Variants in DPP6 observed in about 807,000 individuals in gnomAD.
DPP6 encodes dipeptidyl peptidase like 6.
In DPP6, 69 loss-of-function variants were observed where a neutral mutation model predicts 122.6. The ratio of observed to expected loss-of-function variants is 0.56; its 90% CI spans 0.46 to 0.69. The LOEUF (loss-of-function observed/expected upper bound fraction) is 0.69, where lower values mean the gene tolerates loss of function less well. DPP6 is among the 30% of genes least tolerant of loss of function. The pLI is 0.00. For synonymous variants in DPP6, 418 were observed against 433.1 expected (o/e 0.97, Z 0.43); for missense variants, 928 against 1,116.9 (o/e 0.83, Z 2.41).
chr7:154,619,518 C>G (rs553069758), intron 5 of DPP6, among the ~76,000 whole-genome samples: 31 of 152,222 alleles, frequency 2.0e-4, no homozygotes, highest in Non-Finnish European at 4.3e-4. Flanking sequence ...ATGAAACTCT[C>G]ACCTATATTA....
intron 1 of DPP6, among the ~76,000 whole-genome samples, chr7:154,007,196 G>A (rs958532583): frequency 9.9e-5 from 15 of 152,190 alleles, no homozygotes; most frequent in Non-Finnish European, 2.1e-4. Flanking sequence ...TGTCTATTCA[G>A]CAAACACTTT....
At chr7:154,485,365 TTC>T (rs546115537) in intron 3 of DPP6, among the ~76,000 whole-genome samples, 50 of 152,344 alleles carry the variant, frequency 3.3e-4, no homozygotes, top group African/African-American at 1.1e-3. Context: ...AGTTTATTTT[TTC>T]TCTCTTTTGT....
chr7:154,547,161 T>G (rs1324278711), intron 4 of DPP6, among the ~76,000 whole-genome samples: 1 of 152,222 alleles, frequency 6.6e-6, no homozygotes, highest in Non-Finnish European at 1.5e-5. Flanking sequence ...CTGAGTTCAC[T>G]GACCACTGAT....
At chr7:154,266,434 C>G (rs966604035) in intron 1 of DPP6, among the ~76,000 whole-genome samples, 10 of 152,114 alleles carry the variant, frequency 6.6e-5, no homozygotes, top group African/African-American at 2.4e-4. Flanking sequence ...CAAAAATTAG[C>G]TGGGTGTGGT....
intron 1 of DPP6, chr7:154,305,260 C>T: frequency 7.7e-7 from 1 of 1,292,360 alleles, no homozygotes; most frequent in Non-Finnish European, 9.8e-7. Flanking sequence ...TGGAGAAGCC[C>T]CACTAAGCAG....
intron 16 of DPP6, among the ~76,000 whole-genome samples, chr7:154,824,281 TTTG>T (rs1252746931): frequency 1.7e-4 from 26 of 152,114 alleles, no homozygotes; most frequent in Non-Finnish European, 3.8e-4. Context: ...TGTTTGTTTG[TTTG>T]TTTGTTTGTT....
chr7:154,278,371 C>CT (rs1804274378), intron 1 of DPP6, among the ~76,000 whole-genome samples: 1 of 152,176 alleles, frequency 6.6e-6, no homozygotes, highest in African/African-American at 2.4e-5. Context: ...TCGTGGAAGA[C>CT]TTTGCTTGCT....
chr7:154,197,777 G>A (rs141236905), intron 1 of DPP6, among the ~76,000 whole-genome samples: 1 of 152,306 alleles, frequency 6.6e-6, no homozygotes, highest in East Asian at 1.9e-4. Flanking sequence ...TCACTAAGTA[G>A]TTAATTTAGA....
At chr7:154,065,992 C>G (rs927090859) in intron 1 of DPP6, among the ~76,000 whole-genome samples, 1 of 151,742 alleles carries the variant, frequency 6.6e-6, no homozygotes, top group Non-Finnish European at 1.5e-5. Flanking sequence ...TAAGCCTCAC[C>G]TTCATACTTC....
At chr7:154,255,566 G>C (rs904872572) in intron 1 of DPP6, among the ~76,000 whole-genome samples, 3 of 151,620 alleles carry the variant, frequency 2.0e-5, no homozygotes, top group South Asian at 2.1e-4. Flanking sequence ...AGGCAGACGT[G>C]GGGGAGGCCC....
chr7:154,120,435 G>A (rs1267071904), intron 1 of DPP6, among the ~76,000 whole-genome samples: 3 of 151,856 alleles, frequency 2.0e-5, no homozygotes, highest in Middle Eastern at 3.4e-3. Context: ...TAGTAGAGAC[G>A]GGGTTTCACC....
chr7:153,816,209 A>C, the DPP6 span, among the ~76,000 whole-genome samples: 1 of 152,206 alleles, frequency 6.6e-6, no homozygotes, highest in African/African-American at 2.4e-5. Flanking sequence ...TTAGAAGGAA[A>C]ATATTTATAG....
At chr7:154,587,553 T>G in intron 5 of DPP6, 1 of 1,372,944 alleles carries the variant, frequency 7.3e-7, no homozygotes, top group Non-Finnish European at 9.7e-7. Flanking sequence ...TTTTTGTTTC[T>G]CGATCCCCAA....
chr7:154,096,977 C>T (rs1228337430), intron 1 of DPP6, among the ~76,000 whole-genome samples: 5 of 152,222 alleles, frequency 3.3e-5, no homozygotes, highest in Non-Finnish European at 7.3e-5. Flanking sequence ...GAAAGACCCA[C>T]GGTTTTGTTG....
At chr7:154,173,003 G>A (rs1280364754) in intron 1 of DPP6, among the ~76,000 whole-genome samples, 2 of 152,170 alleles carry the variant, frequency 1.3e-5, no homozygotes, top group Non-Finnish European at 2.9e-5. Flanking sequence ...GTAACATGAA[G>A]GGAATGGTAG....
chr7:153,851,517 G>A, the DPP6 span, among the ~76,000 whole-genome samples: 1 of 151,854 alleles, frequency 6.6e-6, no homozygotes, highest in African/African-American at 2.4e-5. Context: ...TTGTTCCTTT[G>A]TACTTAATCG....
At chr7:154,467,881 C>T (rs1459749497) in intron 2 of DPP6, among the ~76,000 whole-genome samples, 1 of 152,162 alleles carries the variant, frequency 6.6e-6, no homozygotes, top group Admixed American at 6.5e-5. Flanking sequence ...CACATTTAAG[C>T]TCTTCAAAGG....
At chr7:154,246,861 A>G (rs1802014312) in intron 1 of DPP6, among the ~76,000 whole-genome samples, 1 of 152,216 alleles carries the variant, frequency 6.6e-6, no homozygotes, top group South Asian at 2.1e-4. Context: ...AAAAGCTAAA[A>G]CTAGGAAGCA....
chr7:154,764,084 A>G (rs1381889572), intron 8 of DPP6, among the ~76,000 whole-genome samples: 1 of 152,088 alleles, frequency 6.6e-6, no homozygotes, highest in Non-Finnish European at 1.5e-5. Flanking sequence ...CTTGGATGTC[A>G]TTTGGAAGCA....
Sources: gnomAD v4.1 joint callset for allele counts (sites outside exome capture counted in the v4.1 genomes callset) on GRCh38, gnomAD v4.1.1 for gene constraint, MANE v1.5 for transcripts, NCBI Gene and HGNC (gene_info 2026-07-23, HGNC 2026-07-21) for gene names.